The following ZNF808 variants were observed in gnomAD, a reference collection of about 807,000 sequenced individuals.
ZNF808 encodes the protein zinc finger protein 808.
ZNF808 carries 5 observed loss-of-function variants against 8.7 expected under a neutral mutation model. The observed-to-expected ratio is 0.58, with a 90% CI of 0.30 to 1.21. ZNF808 has a LOEUF of 1.21. Among genes scored for constraint, ZNF808 ranks in the 50% most tolerant of loss-of-function variants. ZNF808 has a pLI of 0.07. For missense variants in ZNF808, 1,103 were observed against 1,098.4 expected, an observed-to-expected ratio of 1.00 and a Z score of -0.06; for synonymous variants, 380 against 366.0, an observed-to-expected ratio of 1.04 and a Z score of -0.44.
downstream of ZNF808, among the ~76,000 whole-genome samples, chr19:52,565,724 C>A (rs926827947): frequency 1.4e-4 from 22 of 152,178 alleles, no homozygotes; most frequent in African/African-American, 5.3e-4. Context: ...AAAGGTTGAT[C>A]AAAGACTCAA....
rs570394107 is a variant in ZNF808, at chr19:52,541,419, C to G, written c.-19-1847C>G. ...GAGGAAGACCAAGGCAGCCTATTGG[C>G]CCTTTCAGGCAATCACATGGGAATC... is the stretch of plus-strand genomic sequence containing the variant. On this transcript the variant is annotated intron_variant, in intron 2 of 4. Transcript: ENST00000359798. Among the ~76,000 whole-genome samples, 7 of 152,146 alleles carry G rather than the reference C, an allele frequency of 4.6e-5. No individual in the cohort carries two copies. The South Asian group carries it at 1.5e-3, about 32-fold the overall frequency.
chr19:52,541,530 T>G (rs536797980), intron 2 of ZNF808, among the ~76,000 whole-genome samples: 1 of 152,154 alleles, frequency 6.6e-6, no homozygotes, highest in Non-Finnish European at 1.5e-5. Flanking sequence ...TGAGCCCACC[T>G]GTAACATAGA....
intron 4 of ZNF808, among the ~76,000 whole-genome samples, chr19:52,548,304 G>T (rs1216551403): frequency 6.6e-6 from 1 of 152,216 alleles, no homozygotes; most frequent in Admixed American, 6.5e-5. Context: ...GATCAACCCT[G>T]TAAGAGATAT....
downstream of ZNF808, chr19:52,556,565 C>G (rs1199621423): frequency 1.3e-5 from 2 of 152,230 alleles, no homozygotes; most frequent in Non-Finnish European, 2.9e-5. Flanking sequence ...CTCAGGTGAT[C>G]TGCCCACCTT....
At chr19:52,545,743 G>A (rs1430394841) in intron 3 of ZNF808, among the ~76,000 whole-genome samples, 4 of 151,472 alleles carry the variant, frequency 2.6e-5, no homozygotes. Flanking sequence ...TTGTGCCACT[G>A]TATTCCAGCC....
chr19:52,530,597 A>T (rs1166933295), intron 1 of ZNF808, among the ~76,000 whole-genome samples: 1 of 150,996 alleles, frequency 6.6e-6, no homozygotes, highest in Middle Eastern at 3.2e-3. Context: ...CGGGAAGCAG[A>T]GGTTGCAGTG....
Position 52,547,500 on chromosome 19 carries a change from G to A in ZNF808, c.64-12G>A, listed in dbSNP as rs775680815. 4 of 1,613,464 alleles carry A rather than the reference G, an allele frequency of 2.5e-6. No individual in the cohort carries two copies. Among genetic ancestry groups the A allele is most frequent in the Non-Finnish European group, 3.4e-6 (4 of 1,179,808 alleles). On this transcript the variant is annotated splice_polypyrimidine_tract_variant and intron_variant, in intron 3 of 4. Coordinates refer to ENST00000359798, the MANE Select transcript of ZNF808 (RefSeq NM_001039886.4). ...TCCATAATGTTTTGTTGAAATGTAT[G>A]TTTCATTTTAGGGACGCTTGACTTT... is the stretch of plus-strand genomic sequence containing the variant.
intron 4 of ZNF808, among the ~76,000 whole-genome samples, chr19:52,552,019 A>AT (rs1461377931): frequency 6.6e-5 from 10 of 150,842 alleles, no homozygotes; most frequent in African/African-American, 2.4e-4. Context: ...AATGGAAACA[A>AT]ATTTTTTTTT....
downstream of ZNF808, among the ~76,000 whole-genome samples, chr19:52,567,017 TCTCGG>T (rs1432026737): frequency 3.3e-5 from 5 of 150,666 alleles, no homozygotes; most frequent in Admixed American, 2.7e-4. Flanking sequence ...AATAGGACAA[TCTCGG>T]CTCATTGCAA....
Position 52,554,227 on chromosome 19 carries a change from T to G in ZNF808, c.1311T>G (p.Ser437Arg). The G allele has an allele frequency of 6.2e-7, 1 of 1,613,652 alleles. No homozygotes were observed. Among genetic ancestry groups the G allele is most frequent in the African/African-American group, 1.3e-5 (1 of 74,986 alleles). Residue 437 changes from serine (S) to arginine (R), a missense_variant, in exon 5 of 5, where the codon AGT becomes AGG. Transcript: ENST00000359798. ...GTGAAGAATGTGACAAAGTTTTCAG[T>G]CAGAAATCAACCCTTGAGAGACATA... is the stretch of plus-strand genomic sequence containing the variant. ...YKCEECDKVF[S>R]QKSTLERHKR...
chr19:52,538,737 C>T (rs1159987029), intron 2 of ZNF808, among the ~76,000 whole-genome samples: 1 of 151,600 alleles, frequency 6.6e-6, no homozygotes. Flanking sequence ...TGAGAAAGGG[C>T]TATGCATAGA....
chr19:52,530,706 G>A (rs1370014398), intron 1 of ZNF808, among the ~76,000 whole-genome samples: 1 of 151,098 alleles, frequency 6.6e-6, no homozygotes, highest in East Asian at 2.0e-4. Flanking sequence ...CATCAAAGTT[G>A]GGCCTGGTGG....
chr19:52,544,393 C>T (rs578002764), intron 3 of ZNF808, among the ~76,000 whole-genome samples: 3 of 152,078 alleles, frequency 2.0e-5, no homozygotes, highest in African/African-American at 7.2e-5. Context: ...CGCAGTGGTA[C>T]GATCTCGGCT....
At chr19:52,563,958 T>A (rs1726989235) in exon 4 of ZNF808, 2 of 337,126 alleles carry the variant, frequency 5.9e-6, no homozygotes, top group Non-Finnish European at 1.1e-5. Flanking sequence ...ATCCTGCCGT[T>A]GCACTCCAGC....
At chr19:52,533,595 G>A (rs1224048423) in intron 2 of ZNF808, among the ~76,000 whole-genome samples, 2 of 151,442 alleles carry the variant, frequency 1.3e-5, no homozygotes, top group South Asian at 4.2e-4. Context: ...AGTGGCTCAC[G>A]CCTGTAATCC....
chr19:52,562,617 GT>G (rs1833895611), intron 3 of ZNF808, among the ~76,000 whole-genome samples: 1 of 152,120 alleles, frequency 6.6e-6, no homozygotes, highest in Non-Finnish European at 1.5e-5. Context: ...TCTGATCCCA[GT>G]TTATAAATTT....
rs2059689837 is a variant in ZNF808, at chr19:52,543,261, T to G, written c.-19-5T>G. ...ACATGAAGTCTTATTTTTTTTCACA[T>G]ACAGGATTGATTTCTAAAGACTCAT... On this transcript the variant is annotated splice_polypyrimidine_tract_variant and splice_region_variant and intron_variant, in intron 2 of 4. Coordinates refer to ENST00000359798, the MANE Select transcript of ZNF808 (RefSeq NM_001039886.4). The G allele has an allele frequency of 6.2e-7, 1 of 1,612,048 alleles. No homozygotes were observed. Among genetic ancestry groups the G allele is most frequent in the African/African-American group, 1.3e-5 (1 of 74,778 alleles).
At chr19:52,539,060 G>A (rs2059642104) in intron 2 of ZNF808, among the ~76,000 whole-genome samples, 1 of 151,660 alleles carries the variant, frequency 6.6e-6, no homozygotes, top group Admixed American at 6.6e-5. Flanking sequence ...CGGGAGTGGG[G>A]GAGAGAAGTA....
chr19:52,549,109 G>C (rs2059750907), intron 4 of ZNF808, among the ~76,000 whole-genome samples: 1 of 152,048 alleles, frequency 6.6e-6, no homozygotes, highest in African/African-American at 2.4e-5. Context: ...CTGAGCTGTT[G>C]GGATTACACA....
Sources: allele counts gnomAD v4.1 joint callset (sites outside exome capture counted in the v4.1 genomes callset), GRCh38; gene constraint gnomAD v4.1.1; transcripts MANE v1.5; gene names NCBI Gene and HGNC (gene_info 2026-07-23, HGNC 2026-07-21).